Variants in BRI3BP observed in about 807,000 individuals in gnomAD.
The protein encoded by BRI3BP is BRI3-binding protein.
In BRI3BP, 7 loss-of-function variants were observed where a neutral mutation model predicts 15.8. That is an observed-to-expected ratio of 0.44 (90% CI 0.25 to 0.83). BRI3BP has a LOEUF of 0.83. Among genes scored for constraint, BRI3BP ranks in the 40% least tolerant of loss-of-function variants. The pLI, the probability that BRI3BP is intolerant of heterozygous loss-of-function variation, is 0.20. For synonymous variants in BRI3BP, 192 were observed against 163.5 expected, an observed-to-expected ratio of 1.17 and a Z score of -1.33; for missense variants, 320 against 339.3, an observed-to-expected ratio of 0.94 and a Z score of 0.45.
intron 1 of BRI3BP, among the ~76,000 whole-genome samples, chr12:125,010,507 G>A (rs769656742): frequency 9.9e-5 from 15 of 152,178 alleles, no homozygotes; most frequent in Non-Finnish European, 2.1e-4. Flanking sequence ...GGCCAGGCAT[G>A]GTGGCTCATG....
chr12:125,041,959 G>A, the BRI3BP span, among the ~76,000 whole-genome samples: 1 of 152,216 alleles, frequency 6.6e-6, no homozygotes, highest in Non-Finnish European at 1.5e-5. Flanking sequence ...CTCGCAAAGT[G>A]CTGGGATTGC....
chr12:125,032,412 C>T (rs575228733), downstream of BRI3BP, among the ~76,000 whole-genome samples: 9 of 151,702 alleles, frequency 5.9e-5, no homozygotes, highest in African/African-American at 4.8e-5. Flanking sequence ...GAGCTGAAAT[C>T]GCGCCACTGC....
chr12:125,036,924 T>C, the BRI3BP span, among the ~76,000 whole-genome samples: 1 of 152,206 alleles, frequency 6.6e-6, no homozygotes, highest in Non-Finnish European at 1.5e-5. Context: ...CTGAGTATGC[T>C]AGTACCTTGC....
chr12:125,039,264 G>A, the BRI3BP span, among the ~76,000 whole-genome samples: 47 of 152,130 alleles, frequency 3.1e-4, no homozygotes, highest in African/African-American at 1.1e-3. Context: ...CAAGGCCCAC[G>A]GGTTCCCTCT....
intron 2 of BRI3BP, among the ~76,000 whole-genome samples, chr12:125,014,121 A>T (rs1280946733): frequency 6.6e-6 from 1 of 152,130 alleles, no homozygotes; most frequent in Non-Finnish European, 1.5e-5. Context: ...TCTCAGGATG[A>T]AGTAACCTTC....
intron 1 of BRI3BP, among the ~76,000 whole-genome samples, chr12:124,995,884 G>T (rs1955036615): frequency 6.6e-6 from 1 of 152,168 alleles, no homozygotes; most frequent in Non-Finnish European, 1.5e-5. Context: ...CCCCGAGTCA[G>T]TACAGCATCC....
At chr12:125,012,725 T>G in intron 2 of BRI3BP, 89 bp downstream of exon 2, 1 of 1,038,768 alleles carries the variant, frequency 9.6e-7, no homozygotes, top group Non-Finnish European at 1.5e-6. Flanking sequence ...GAGTAATACA[T>G]GAGAAGGTTG....
chr12:125,040,090 C>T, the BRI3BP span, among the ~76,000 whole-genome samples: 1,734 of 152,102 alleles, frequency 0.011, 41 homozygotes, highest in East Asian at 0.11. Context: ...GGTGAAACCC[C>T]ATCTCTACTG....
rs1173473026 is a variant in BRI3BP at position 125,026,283 on chromosome 12, C to T, written c.*853C>T. On this transcript the variant is annotated 3_prime_UTR_variant, in exon 3 of 3. Transcript: ENST00000341446. ...TGCATGTCCCAATTTGCAGTTTGCT[C>T]ACTAGGGCTATATACAAAAGCTATA... 4 of 151,320 alleles carry T rather than the reference C, an allele frequency of 2.6e-5. No individual in the cohort carries two copies. The highest frequency in any genetic ancestry group is 2.1e-4 in the South Asian group (1 of 4,792). 9.4% of individuals were successfully genotyped at this position (151,320 alleles called of 1,614,324 possible).
At chr12:125,043,809 T>C in the BRI3BP span, among the ~76,000 whole-genome samples, 543 of 152,062 alleles carry the variant, frequency 3.6e-3, 5 homozygotes, top group African/African-American at 0.012. Context: ...TGAGCCAAGA[T>C]CGCAACACTG....
intron 1 of BRI3BP, among the ~76,000 whole-genome samples, chr12:124,998,266 G>C (rs1024233993): frequency 6.6e-6 from 1 of 152,058 alleles, no homozygotes; most frequent in African/African-American, 2.4e-5. Context: ...CACTCAAGCC[G>C]GGGGAACAGA....
In BRI3BP at chr12:125,026,471, GAAA is replaced by G; in HGVS notation, c.*1042_*1044del. 1 of 152,066 alleles carries G rather than the reference GAAA, an allele frequency of 6.6e-6. No homozygotes were observed. The highest frequency in any genetic ancestry group is 2.4e-5 in the African/African-American group (1 of 41,394). The allele number at this position is 152,066 out of a possible 1,614,324, so 9.4% of individuals were successfully genotyped here. On this transcript the variant is annotated 3_prime_UTR_variant, in exon 3 of 3. Coordinates refer to ENST00000341446, the MANE Select transcript of BRI3BP (RefSeq NM_080626.6). ...TGAAAAGATCTGAATTCTTTTTCCT[GAAA>G]TATTTACGATACACAGGTGCTTTTT...
intron 2 of BRI3BP, among the ~76,000 whole-genome samples, chr12:125,022,090 A>T (rs1444920502): frequency 2.0e-5 from 3 of 151,374 alleles, no homozygotes; most frequent in African/African-American, 7.3e-5. Context: ...AAAAAAAAAA[A>T]AAAAAAAAAA....
chr12:125,036,561 C>A, the BRI3BP span, among the ~76,000 whole-genome samples: 1 of 135,012 alleles, frequency 7.4e-6, no homozygotes, highest in African/African-American at 2.5e-5. Flanking sequence ...AACCATGAAA[C>A]AACAGCTAGC....
intron 2 of BRI3BP, among the ~76,000 whole-genome samples, chr12:125,015,547 G>A (rs1052993152): frequency 1.3e-5 from 2 of 151,994 alleles, no homozygotes; most frequent in African/African-American, 2.4e-5. Flanking sequence ...GGTTTGTTGC[G>A]GCAGTCACGG....
At chr12:125,024,945 C>T (rs1438637500) in intron 2 of BRI3BP, 46 bp from the exon 3 acceptor site, 2 of 1,525,862 alleles carry the variant, frequency 1.3e-6, no homozygotes, top group Non-Finnish European at 1.8e-6. Context: ...TTAAGAAACC[C>T]CTGGCCCCTG....
the BRI3BP span, among the ~76,000 whole-genome samples, chr12:125,039,334 A>G: frequency 2.6e-5 from 4 of 152,116 alleles, no homozygotes; most frequent in African/African-American, 9.7e-5. Flanking sequence ...CATGCCTTTC[A>G]TCATTCTCAG....
intron 1 of BRI3BP, among the ~76,000 whole-genome samples, chr12:124,996,285 T>TG (rs149890917): frequency 0.017 from 2,570 of 152,016 alleles, 72 homozygotes; most frequent in East Asian, 0.074. Context: ...GTTAATTTTA[T>TG]GGGTTTTTTT....
At chr12:125,008,343 C>T (rs1240130166) in intron 1 of BRI3BP, among the ~76,000 whole-genome samples, 5 of 136,290 alleles carry the variant, frequency 3.7e-5, no homozygotes, top group East Asian at 2.2e-4. Flanking sequence ...GACAGAGTCT[C>T]GCTCTGTCGC....
Sources: allele counts gnomAD v4.1 joint callset (sites outside exome capture counted in the v4.1 genomes callset), GRCh38; gene constraint gnomAD v4.1.1; transcripts MANE v1.5; gene names NCBI Gene and HGNC (gene_info 2026-07-23, HGNC 2026-07-21).